DTWD2: variants seen among roughly 807,000 people sequenced by gnomAD.
DTWD2 encodes the protein tRNA-uridine aminocarboxypropyltransferase 2.
Under a neutral mutation model 31.8 loss-of-function variants are expected in DTWD2, and 39 were observed. That is an observed-to-expected ratio of 1.22 (90% CI 0.95 to 1.60). The LOEUF is 1.60. Among genes scored for constraint, DTWD2 ranks in the 40% most tolerant of loss-of-function variants. DTWD2 has a pLI of 0.00. For missense variants in DTWD2, 515 were observed against 381.5 expected, an observed-to-expected ratio of 1.35 and a Z score of -2.92; for synonymous variants, 180 against 142.8, an observed-to-expected ratio of 1.26 and a Z score of -1.86.
At chr5:118,905,862 T>C (rs944472878) in intron 4 of DTWD2, among the ~76,000 whole-genome samples, 1 of 152,184 alleles carries the variant, frequency 6.6e-6, no homozygotes, top group Non-Finnish European at 1.5e-5. Flanking sequence ...ACTTTTTAAA[T>C]TGATTAACTG....
intron 4 of DTWD2, among the ~76,000 whole-genome samples, chr5:118,876,008 T>C (rs1336855335): frequency 2.0e-5 from 3 of 152,182 alleles, no homozygotes; most frequent in Non-Finnish European, 4.4e-5. Context: ...AGTAGTCTCT[T>C]GGACCACAAC....
chr5:118,923,697 C>G (rs148184574), intron 4 of DTWD2, among the ~76,000 whole-genome samples: 112 of 152,308 alleles, frequency 7.4e-4, no homozygotes, highest in African/African-American at 2.6e-3. Context: ...AACTTCAACT[C>G]CTACTCTGAA....
chr5:118,886,205 T>C (rs1752864430), intron 4 of DTWD2, among the ~76,000 whole-genome samples: 1 of 152,254 alleles, frequency 6.6e-6, no homozygotes. Flanking sequence ...CAAGTCTCTG[T>C]ACGTAACAGG....
In DTWD2 at chr5:118,839,293, T is replaced by C. The variant is rs575830262; in HGVS notation, c.*1624A>G. 1.7e-4 allele frequency: 26 copies of C among 152,284 alleles called. No individual in the cohort carries two copies. Among genetic ancestry groups the C allele is most frequent in the African/African-American group, 6.3e-4 (26 of 41,546 alleles). 9.4% of individuals were successfully genotyped at this position (152,284 alleles called of 1,614,324 possible). A position where few individuals can be genotyped will look rare whatever the true frequency, so the allele number is the denominator to read the frequency against. On this transcript the variant is annotated 3_prime_UTR_variant, in exon 6 of 6. Coordinates refer to ENST00000510708, the MANE Select transcript of DTWD2 (RefSeq NM_173666.4). ...TTATACATTATTATATGCTGTTTCT[T>C]TTCTAGTACACCAAATAATCATTTG...
intron 1 of DTWD2, among the ~76,000 whole-genome samples, chr5:118,983,420 C>G (rs1400250636): frequency 6.6e-6 from 1 of 152,102 alleles, no homozygotes; most frequent in Non-Finnish European, 1.5e-5. Flanking sequence ...AAACACAGTT[C>G]AAAGCAAAAC....
chr5:118,984,544 T>C (rs1580457453), intron 1 of DTWD2, among the ~76,000 whole-genome samples: 1 of 151,986 alleles, frequency 6.6e-6, no homozygotes, highest in East Asian at 1.9e-4. Context: ...CTAGGCCTAG[T>C]ATGTGCCTGG....
chr5:118,963,692 G>A (rs1334847808), intron 1 of DTWD2, among the ~76,000 whole-genome samples: 1 of 152,208 alleles, frequency 6.6e-6, no homozygotes, highest in African/African-American at 2.4e-5. Flanking sequence ...ATTGCCGAGT[G>A]ATGGCACAGA....
At chr5:118,930,937 C>T (rs997331884) in intron 3 of DTWD2, among the ~76,000 whole-genome samples, 1 of 151,686 alleles carries the variant, frequency 6.6e-6, no homozygotes, top group Non-Finnish European at 1.5e-5. Flanking sequence ...GAAGTGATGA[C>T]ATATTTTAAA....
At chr5:118,962,616 T>C (rs1258491055) in intron 1 of DTWD2, among the ~76,000 whole-genome samples, 2 of 151,612 alleles carry the variant, frequency 1.3e-5, no homozygotes, top group Admixed American at 1.3e-4. Flanking sequence ...AAAAAGGAAG[T>C]GGGATTAGGG....
chr5:118,869,450 A>G (rs1361333803), intron 4 of DTWD2, among the ~76,000 whole-genome samples: 2 of 152,160 alleles, frequency 1.3e-5, no homozygotes, highest in Non-Finnish European at 2.9e-5. Context: ...ATAATTAAAC[A>G]ATACTAAGGA....
chr5:118,982,237 C>G (rs1297365251), intron 1 of DTWD2, among the ~76,000 whole-genome samples: 1 of 152,166 alleles, frequency 6.6e-6, no homozygotes, highest in Non-Finnish European at 1.5e-5. Context: ...AAAATGAACT[C>G]AAGGAATTAA....
At position 118,934,733 on chromosome 5, in the gene DTWD2, A is replaced by G. The variant is rs867164341; in HGVS notation, c.404+4463T>C. On this transcript the variant is annotated intron_variant, in intron 3 of 5. Transcript: ENST00000510708. ...TGGTAATGTAAAAGAAAACAAGTCA[A>G]TAACTACATCCAGGAAAATGAAATA... Among the ~76,000 whole-genome samples, 13 of 152,334 alleles carry G rather than the reference A, an allele frequency of 8.5e-5. No homozygotes were observed. In the Middle Eastern group the frequency reaches 0.01, roughly 120 times the overall value.
At chr5:118,970,655 C>G (rs1440519399) in intron 1 of DTWD2, among the ~76,000 whole-genome samples, 6 of 152,010 alleles carry the variant, frequency 3.9e-5, no homozygotes, top group Non-Finnish European at 8.8e-5. Context: ...GAAAGATACT[C>G]CACGAGAAGA....
chr5:118,970,247 CA>C (rs778088590), intron 1 of DTWD2, among the ~76,000 whole-genome samples: 11 of 152,066 alleles, frequency 7.2e-5, no homozygotes, highest in Non-Finnish European at 8.8e-5. Flanking sequence ...GCCAACATGG[CA>C]AAACCCTGTC....
At chr5:118,923,503 G>C (rs894949794) in intron 4 of DTWD2, among the ~76,000 whole-genome samples, 1 of 152,208 alleles carries the variant, frequency 6.6e-6, no homozygotes, top group African/African-American at 2.4e-5. Context: ...CACTGCATGA[G>C]CTCCAAGGGT....
intron 1 of DTWD2, among the ~76,000 whole-genome samples, chr5:118,985,309 C>T (rs1755398180): frequency 6.6e-6 from 1 of 151,836 alleles, no homozygotes. Flanking sequence ...TTATGTCCTT[C>T]AGTCTCAGCT....
rs577873815 is a variant in DTWD2 at position 118,925,641 on chromosome 5, C to T, written c.597+2896G>A. Among the ~76,000 whole-genome samples the T allele has an allele frequency of 3.3e-4, 50 of 151,394 alleles. No individual in the cohort carries two copies. In the South Asian group the frequency reaches 3.8e-3, roughly 11 times the overall value. On this transcript the variant is annotated intron_variant, in intron 4 of 5. Coordinates refer to ENST00000510708, the MANE Select transcript of DTWD2 (RefSeq NM_173666.4). Reference sequence around the variant, plus strand: ...CGGGTGGATCACAAGGTCAGGAAATCGAGACCATCCTGGCTAACATGGTGA... The same window carrying T: ...CGGGTGGATCACAAGGTCAGGAAATTGAGACCATCCTGGCTAACATGGTGA...
In DTWD2 at chr5:118,841,106, C is replaced by T. The variant is rs1036901550; in HGVS notation, c.727-19G>A. 2.5e-6 allele frequency: 4 copies of T among 1,590,944 alleles called. No homozygotes were observed. The highest frequency in any genetic ancestry group is 3.4e-6 in the Non-Finnish European group (4 of 1,168,142). ...GCAAAGTCTGTCAAGAGAAAAAAGA[C>T]ACTAAAAAAGTATCTGTGACAAATC... On this transcript the variant is annotated intron_variant, in intron 5 of 5. Coordinates refer to ENST00000510708, the MANE Select transcript of DTWD2 (RefSeq NM_173666.4).
chr5:118,915,391 TTC>T (rs1247391313), intron 4 of DTWD2, among the ~76,000 whole-genome samples: 1 of 151,538 alleles, frequency 6.6e-6, no homozygotes, highest in African/African-American at 2.4e-5. Flanking sequence ...TTTTTTTTTT[TTC>T]AGACAGAGTC....
Sources: gnomAD v4.1 joint callset for allele counts (sites outside exome capture counted in the v4.1 genomes callset) on GRCh38, gnomAD v4.1.1 for gene constraint, MANE v1.5 for transcripts, NCBI Gene and HGNC (gene_info 2026-07-23, HGNC 2026-07-21) for gene names.